SPIDR: variants seen among roughly 807,000 people sequenced by gnomAD.
The protein encoded by SPIDR is scaffold protein involved in DNA repair, also known as DNA repair-scaffolding protein.
Under a neutral mutation model 104.6 loss-of-function variants are expected in SPIDR, and 93 were observed. That is an observed-to-expected ratio of 0.89 (90% confidence interval 0.75 to 1.06). The LOEUF (loss-of-function observed/expected upper bound fraction) is 1.06, where lower values mean the gene tolerates loss of function less well. Among genes scored for constraint, SPIDR ranks in the 50% least tolerant of loss-of-function variants. The pLI, the probability that SPIDR is intolerant of heterozygous loss-of-function variation, is 0.00. For synonymous variants in SPIDR, 431 were observed against 416.9 expected, an observed-to-expected ratio of 1.03 and a Z score of -0.41; for missense variants, 1,154 against 1,111.2, an observed-to-expected ratio of 1.04 and a Z score of -0.55.
chr8:47,502,317 A>C (rs1310078711), intron 8 of SPIDR, among the ~76,000 whole-genome samples: 3 of 152,022 alleles, frequency 2.0e-5, no homozygotes, highest in Admixed American at 6.6e-5. Flanking sequence ...TCAATTTCAG[A>C]GCCTGTTATT....
chr8:47,315,179 A>G (rs1321881710), intron 5 of SPIDR, among the ~76,000 whole-genome samples: 1 of 152,208 alleles, frequency 6.6e-6, no homozygotes, highest in African/African-American at 2.4e-5. Context: ...ATCAGTTAGA[A>G]TATAGAAGAT....
Position 47,576,124 on chromosome 8 carries a change from G to A in SPIDR, c.1098-19687G>A, listed in dbSNP as rs554255555. ...GAATAATAAACATTTTTTTGACAAG[G>A]TCTTTTTTATTATTTATTTATTTTT... On this transcript the variant is annotated intron_variant, in intron 8 of 19. Transcript: ENST00000297423. Among the ~76,000 whole-genome samples, 6 of 151,116 alleles carry A rather than the reference G, an allele frequency of 4.0e-5. No homozygotes were observed. In the East Asian group the frequency reaches 1.2e-3, roughly 29 times the overall value.
intron 5 of SPIDR, among the ~76,000 whole-genome samples, chr8:47,396,127 T>C (rs2061221385): frequency 6.6e-6 from 1 of 152,196 alleles, no homozygotes; most frequent in South Asian, 2.1e-4. Flanking sequence ...GATTGAAGTA[T>C]TTGTACTTAT....
At chr8:47,339,662 A>G (rs1415314445) in intron 5 of SPIDR, among the ~76,000 whole-genome samples, 7 of 152,008 alleles carry the variant, frequency 4.6e-5, no homozygotes, top group African/African-American at 1.7e-4. Flanking sequence ...GTTGAGCATA[A>G]CATAACTGTT....
intron 5 of SPIDR, among the ~76,000 whole-genome samples, chr8:47,393,940 T>G: frequency 6.7e-6 from 1 of 150,194 alleles, no homozygotes; most frequent in South Asian, 2.2e-4. Context: ...CTTCTCACTC[T>G]GTCACCCAGG....
At chr8:47,589,029 T>G (rs79464527) in intron 8 of SPIDR, among the ~76,000 whole-genome samples, 19,390 of 146,116 alleles carry the variant, frequency 0.13, 1,955 homozygotes, top group African/African-American at 0.26. Flanking sequence ...TTTGTTTTTT[T>G]TTTTTTTTTT....
rs532726192 is a variant in SPIDR at position 47,327,789 on chromosome 8, C to T, written c.525+33759C>T. Among the ~76,000 whole-genome samples, 12 of 152,224 alleles carry T rather than the reference C, an allele frequency of 7.9e-5. No homozygotes were observed. In the East Asian group the frequency reaches 1.7e-3, roughly 22 times the overall value. On this transcript the variant is annotated intron_variant, in intron 5 of 19. Transcript: ENST00000297423. Reference sequence around the variant, plus strand: ...TGTTGGCCAGGCTGATCTCAAACTCCAGACCTCAGGTGATCCACTTGTCTT... The same window carrying T: ...TGTTGGCCAGGCTGATCTCAAACTCTAGACCTCAGGTGATCCACTTGTCTT...
intron 8 of SPIDR, among the ~76,000 whole-genome samples, chr8:47,539,546 T>C (rs887984896): frequency 6.6e-6 from 1 of 152,216 alleles, no homozygotes; most frequent in African/African-American, 2.4e-5. Flanking sequence ...TGAACACTTT[T>C]TCAAGCATTT....
At chr8:47,271,818 C>T (rs956136350) in intron 1 of SPIDR, among the ~76,000 whole-genome samples, 1 of 152,054 alleles carries the variant, frequency 6.6e-6, no homozygotes, top group Admixed American at 6.6e-5. Context: ...GACAGAGTCT[C>T]ACCACGATGC....
chr8:47,551,758 G>T (rs572891996), intron 8 of SPIDR, among the ~76,000 whole-genome samples: 2 of 152,144 alleles, frequency 1.3e-5, no homozygotes, highest in East Asian at 1.9e-4. Context: ...GGTTTTTTGT[G>T]TCTCTATCTC....
chr8:47,298,405 G>GC (rs1371734203), intron 5 of SPIDR, among the ~76,000 whole-genome samples: 1 of 152,022 alleles, frequency 6.6e-6, no homozygotes, highest in Non-Finnish European at 1.5e-5. Context: ...TCTTTAGGTT[G>GC]CTGTTCACTC....
At chr8:47,359,929 T>C (rs1264031925) in intron 5 of SPIDR, among the ~76,000 whole-genome samples, 20 of 152,162 alleles carry the variant, frequency 1.3e-4, no homozygotes, top group African/African-American at 1.9e-4. Context: ...TGGAACAATT[T>C]ATCACTCTCT....
intron 8 of SPIDR, among the ~76,000 whole-genome samples, chr8:47,474,329 T>C (rs2076054370): frequency 6.6e-6 from 1 of 152,228 alleles, no homozygotes; most frequent in African/African-American, 2.4e-5. Context: ...ATTTTGAAAA[T>C]GTCTTATTTA....
intron 5 of SPIDR, among the ~76,000 whole-genome samples, chr8:47,308,754 C>T (rs1175511210): frequency 1.3e-5 from 2 of 152,194 alleles, no homozygotes; most frequent in Non-Finnish European, 2.9e-5. Context: ...GATCAGGGCA[C>T]ACATGCCCTA....
At chr8:47,346,195 G>A (rs1554617869) in intron 5 of SPIDR, among the ~76,000 whole-genome samples, 2 of 152,168 alleles carry the variant, frequency 1.3e-5, no homozygotes, top group African/African-American at 4.8e-5. Context: ...TTTTGTCAAA[G>A]GCCTTTTCTG....
chr8:47,713,010 T>G (rs1217827002), intron 15 of SPIDR, 138 bp downstream of exon 15: 2 of 1,444,122 alleles, frequency 1.4e-6, no homozygotes, highest in African/African-American at 2.8e-5. Flanking sequence ...ACATGGCCCA[T>G]GTACCAGCCT....
chr8:47,488,866 C>A (rs1554734930), intron 8 of SPIDR, among the ~76,000 whole-genome samples: 1 of 152,122 alleles, frequency 6.6e-6, no homozygotes, highest in African/African-American at 2.4e-5. Flanking sequence ...ATAATAAGAG[C>A]TATCTATGAC....
Position 47,596,909 on chromosome 8 carries a change from AG to A in SPIDR, c.1293+906del, listed in dbSNP as rs2061684046. On this transcript the variant is annotated intron_variant, in intron 9 of 19. Transcript: ENST00000297423. ...CATACACAATAGCCTAGATCTTCAC[AG>A]GGTCAGGGCCATCAATATCACCATC... is the stretch of plus-strand genomic sequence containing the variant. Among the ~76,000 whole-genome samples the A allele has an allele frequency of 3.3e-5, 5 of 152,174 alleles. No homozygotes were observed. The South Asian group carries it at 1.0e-3, about 32-fold the overall frequency.
At chr8:47,402,104 T>G (rs2061982276) in intron 6 of SPIDR, among the ~76,000 whole-genome samples, 1 of 152,138 alleles carries the variant, frequency 6.6e-6, no homozygotes, top group Non-Finnish European at 1.5e-5. Context: ...CCTCAGCAAA[T>G]GTAAAAGAAC....
Sources: gnomAD v4.1 joint callset for allele counts (sites outside exome capture counted in the v4.1 genomes callset) on GRCh38, gnomAD v4.1.1 for gene constraint, MANE v1.5 for transcripts, NCBI Gene and HGNC (gene_info 2026-07-23, HGNC 2026-07-21) for gene names.